The following DLGAP2 variants were observed in gnomAD, a reference collection of about 807,000 sequenced individuals.
DLGAP2 encodes disks large-associated protein 2.
DLGAP2 carries 26 observed loss-of-function variants against 100.3 expected under a neutral mutation model. That is an observed-to-expected ratio of 0.26 (90% CI 0.19 to 0.36). DLGAP2 has a LOEUF of 0.36. Among genes scored for constraint, DLGAP2 ranks in the 10% least tolerant of loss-of-function variants. DLGAP2 has a pLI of 1.00. For synonymous variants in DLGAP2, 886 were observed against 630.1 expected (o/e 1.41, Z -6.08); for missense variants, 1,858 against 1,453.2 (o/e 1.28, Z -4.53).
At chr8:1,217,174 G>A (rs1424490378) in intron 2 of DLGAP2, among the ~76,000 whole-genome samples, 2 of 152,076 alleles carry the variant, frequency 1.3e-5, no homozygotes, top group South Asian at 2.1e-4. Context: ...TGAATTCTCA[G>A]TGTTTAGCTC....
chr8:1,258,463 A>C (rs1308597230), intron 2 of DLGAP2, among the ~76,000 whole-genome samples: 1 of 152,072 alleles, frequency 6.6e-6, no homozygotes. Context: ...GAGGGAGAGC[A>C]TTAGAACAAA....
intron 8 of DLGAP2, among the ~76,000 whole-genome samples, chr8:1,644,742 G>A (rs904564959): frequency 2.0e-5 from 3 of 152,162 alleles, no homozygotes; most frequent in Admixed American, 6.5e-5. Flanking sequence ...AGAGAATTAT[G>A]TTTATTATTT....
chr8:742,642 G>T (rs947776433), intron 1 of DLGAP2, among the ~76,000 whole-genome samples: 1 of 151,934 alleles, frequency 6.6e-6, no homozygotes, highest in Admixed American at 6.6e-5. Context: ...TCTAGTAGTT[G>T]GTGTATGTCA....
At chr8:1,333,654 G>A (rs1033415104) in intron 3 of DLGAP2, among the ~76,000 whole-genome samples, 1 of 152,198 alleles carries the variant, frequency 6.6e-6, no homozygotes, top group African/African-American at 2.4e-5. Flanking sequence ...GAGGTAATTT[G>A]TGTGCCGATG....
At chr8:927,565 T>C (rs1276672430) in intron 2 of DLGAP2, among the ~76,000 whole-genome samples, 1 of 152,190 alleles carries the variant, frequency 6.6e-6, no homozygotes, top group African/African-American at 2.4e-5. Flanking sequence ...CGAGCCTCAG[T>C]GTCCTCATAG....
At chr8:1,523,541 C>G (rs1454524203) in intron 4 of DLGAP2, among the ~76,000 whole-genome samples, 1 of 152,210 alleles carries the variant, frequency 6.6e-6, no homozygotes, top group Non-Finnish European at 1.5e-5. Flanking sequence ...TGCCCCAGGC[C>G]GGCACCGCAC....
At chr8:819,562 T>C (rs774037054) in intron 1 of DLGAP2, among the ~76,000 whole-genome samples, 5 of 152,196 alleles carry the variant, frequency 3.3e-5, no homozygotes, top group Non-Finnish European at 5.9e-5. Flanking sequence ...TGGAAAATGA[T>C]AAAGACTATA....
At chr8:1,325,633 G>A (rs1801004483) in intron 3 of DLGAP2, among the ~76,000 whole-genome samples, 1 of 152,210 alleles carries the variant, frequency 6.6e-6, no homozygotes, top group Non-Finnish European at 1.5e-5. Context: ...ATACCCTACA[G>A]GGCCTGAACG....
chr8:1,477,353 G>C (rs778878319), intron 3 of DLGAP2, among the ~76,000 whole-genome samples: 5 of 152,186 alleles, frequency 3.3e-5, no homozygotes, highest in African/African-American at 4.8e-5. Flanking sequence ...AGCTGGACAG[G>C]CTGCCTCCCC....
intron 1 of DLGAP2, among the ~76,000 whole-genome samples, chr8:795,858 C>CGGTG (rs1251821028): frequency 8.4e-5 from 11 of 131,352 alleles, no homozygotes; most frequent in South Asian, 3.0e-4. Flanking sequence ...AGCAGGCGTC[C>CGGTG]AGTGAGAGCA....
intron 2 of DLGAP2, among the ~76,000 whole-genome samples, chr8:1,219,906 G>A (rs1362467043): frequency 2.6e-5 from 4 of 151,922 alleles, no homozygotes; most frequent in East Asian, 1.9e-4. Flanking sequence ...GCATAGTGGT[G>A]TTAGTAATAG....
At chr8:1,577,977 T>C (rs1030267935) in intron 6 of DLGAP2, among the ~76,000 whole-genome samples, 1 of 152,198 alleles carries the variant, frequency 6.6e-6, no homozygotes, top group Non-Finnish European at 1.5e-5. Context: ...TGATAACGTT[T>C]TGTTGGTAAA....
chr8:1,161,722 C>A (rs1463208639), intron 2 of DLGAP2, among the ~76,000 whole-genome samples: 1 of 152,178 alleles, frequency 6.6e-6, no homozygotes, highest in African/African-American at 2.4e-5. Flanking sequence ...CACGTATGGT[C>A]CAGCCCCGTG....
chr8:1,196,825 C>T (rs1252787466), intron 2 of DLGAP2, among the ~76,000 whole-genome samples: 4 of 152,138 alleles, frequency 2.6e-5, no homozygotes, highest in South Asian at 2.1e-4. Context: ...GCTCATCACA[C>T]ATACACCAGG....
At chr8:1,640,764 G>A (rs1055427991) in intron 8 of DLGAP2, among the ~76,000 whole-genome samples, 7 of 152,302 alleles carry the variant, frequency 4.6e-5, no homozygotes, top group African/African-American at 7.2e-5. Context: ...GAAGTCTCAC[G>A]TGGCCCGCCC....
At chr8:1,492,417 G>A (rs147520104) in intron 3 of DLGAP2, among the ~76,000 whole-genome samples, 5 of 152,228 alleles carry the variant, frequency 3.3e-5, no homozygotes, top group African/African-American at 9.6e-5. Context: ...AACTTTTCAA[G>A]AGTTAGAAGA....
At chr8:1,219,966 T>C (rs1286735919) in intron 2 of DLGAP2, among the ~76,000 whole-genome samples, 2 of 152,084 alleles carry the variant, frequency 1.3e-5, no homozygotes, top group Non-Finnish European at 2.9e-5. Context: ...ATATCCCCTT[T>C]GTCATTTCTG....
At chr8:1,367,496 C>T (rs768702398) in intron 3 of DLGAP2, among the ~76,000 whole-genome samples, 1 of 152,194 alleles carries the variant, frequency 6.6e-6, no homozygotes, top group African/African-American at 2.4e-5. Flanking sequence ...GTGGAGCAGG[C>T]GGAATTCCAA....
chr8:1,228,448 A>C (rs529459116), intron 2 of DLGAP2, among the ~76,000 whole-genome samples: 14 of 152,284 alleles, frequency 9.2e-5, no homozygotes, highest in African/African-American at 3.1e-4. Context: ...GGAGTCCCCA[A>C]CTCATTCTGT....
Sources: allele counts gnomAD v4.1 joint callset (sites outside exome capture counted in the v4.1 genomes callset), GRCh38; gene constraint gnomAD v4.1.1; transcripts MANE v1.5; gene names NCBI Gene and HGNC (gene_info 2026-07-23, HGNC 2026-07-21).